The following MCF2L variants were observed in gnomAD, a reference collection of about 807,000 sequenced individuals.
MCF2L encodes the protein guanine nucleotide exchange factor DBS.
MCF2L carries 97 observed loss-of-function variants against 153.4 expected under a neutral mutation model. The observed-to-expected ratio is 0.63, with a 90% CI of 0.54 to 0.75. The LOEUF is 0.75. MCF2L is among the 30% of genes least tolerant of loss of function. MCF2L has a pLI of 0.00. For missense variants in MCF2L, 1,347 were observed against 1,495.2 expected (o/e 0.90, Z 1.64); for synonymous variants, 659 against 632.2 (o/e 1.04, Z -0.64).
intron 25 of MCF2L, 45 bp downstream of exon 25, chr13:113,088,673 C>A: frequency 6.3e-7 from 1 of 1,576,808 alleles, no homozygotes; most frequent in South Asian, 1.1e-5. Context: ...CTGGAGCAGT[C>A]CCGAGCAGGC....
rs917861797 is a variant in MCF2L at position 112,907,954 on chromosome 13, G to A, written c.169+5583G>A. 7.2e-5 allele frequency among the ~76,000 whole-genome samples: 11 copies of A among 152,208 alleles called. No individual in the cohort carries two copies. Among genetic ancestry groups the A allele is most frequent in the African/African-American group, 2.7e-4 (11 of 41,454 alleles). Reference sequence around the variant, plus strand: ...GTTGTTTGTGGAAATGGTACTTGCAGTGTGGCTGTCAATGATTAACTTCTT... The same window carrying A: ...GTTGTTTGTGGAAATGGTACTTGCAATGTGGCTGTCAATGATTAACTTCTT... On this transcript the variant is annotated intron_variant, in intron 2 of 29. Transcript: ENST00000375608. The surrounding 1 kb of genome is among the most constrained non-coding windows in gnomAD (Gnocchi z 5.1).
intron 1 of MCF2L, among the ~76,000 whole-genome samples, chr13:112,995,276 C>A (rs72661962): frequency 1.3e-5 from 2 of 152,200 alleles, no homozygotes; most frequent in Non-Finnish European, 2.9e-5. Flanking sequence ...GGCTCGCTCT[C>A]GAGCCTGTCC....
chr13:113,046,489 G>T lies in MCF2L; in HGVS notation c.369+1128G>T. 1 of 521,024 alleles carries T rather than the reference G, an allele frequency of 1.9e-6. No individual in the cohort carries two copies. Among genetic ancestry groups the T allele is most frequent in the Non-Finnish European group, 3.9e-6 (1 of 255,112 alleles). The allele number at this position is 521,024 out of a possible 1,614,324, so 32.3% of individuals were successfully genotyped here. A position where few individuals can be genotyped will look rare whatever the true frequency, so the allele number is the denominator to read the frequency against. ...GGGTCCCGCGTTCAGACTACCTTTG[G>T]GTTCCCCAGCCTCTCGGTGGCTGCT... On this transcript the variant is annotated intron_variant, in intron 4 of 29. Coordinates refer to ENST00000535094, the MANE Select transcript of MCF2L (RefSeq NM_001112732.3). This position sits in a 1 kb window ranked among gnomAD's most constrained non-coding sequence, Gnocchi z 4.4.
rs902398170 is a variant in MCF2L at position 113,035,106 on chromosome 13, G to A, written c.279-10165G>A. ...CCCCCGTGCAGACCTCACCATTCCC[G>A]ACGGGAACACTTGTGATATTCACTT... On this transcript the variant is annotated intron_variant, in intron 3 of 29. Transcript: ENST00000535094. The surrounding 1 kb of genome is among the most constrained non-coding windows in gnomAD (Gnocchi z 4.4). 1.2e-4 allele frequency among the ~76,000 whole-genome samples: 19 copies of A among 152,214 alleles called. No homozygotes were observed. The highest frequency in any genetic ancestry group is 4.6e-4 in the African/African-American group (19 of 41,454).
intron 7 of MCF2L, 65 bp from the exon 8 acceptor site, chr13:113,065,981 C>T: frequency 6.4e-7 from 1 of 1,553,094 alleles, no homozygotes; most frequent in Non-Finnish European, 8.7e-7. Context: ...CCCACGAGGC[C>T]TCACCACCAG....
chr13:113,053,389 T>C lies in MCF2L; in HGVS notation c.370-7204T>C, dbSNP rs368418713. Among the ~76,000 whole-genome samples the C allele has an allele frequency of 7.9e-4, 120 of 152,328 alleles. No individual in the cohort carries two copies. In the South Asian group the frequency reaches 0.024, roughly 30 times the overall value. On this transcript the variant is annotated intron_variant, in intron 4 of 29. Coordinates refer to ENST00000535094, the MANE Select transcript of MCF2L (RefSeq NM_001112732.3). The surrounding 1 kb of genome is among the most constrained non-coding windows in gnomAD (Gnocchi z 4.4). ...AAGCCAGTTGCTTTATGGAATATCC[T>C]TTCATCTGGTTTCCTTGTAATTAGG...
At chr13:112,977,947 G>C (rs777999332) in intron 1 of MCF2L, among the ~76,000 whole-genome samples, 28 of 152,174 alleles carry the variant, frequency 1.8e-4, no homozygotes, top group Non-Finnish European at 3.7e-4. Context: ...GGTGGCGGGG[G>C]TCTGTAATCC....
intron 1 of MCF2L, among the ~76,000 whole-genome samples, chr13:112,894,829 C>T (rs1391331870): frequency 6.6e-6 from 1 of 152,090 alleles, no homozygotes; most frequent in East Asian, 1.9e-4. Flanking sequence ...TCTGCCCACC[C>T]CTTCCTGCCA....
intron 2 of MCF2L, among the ~76,000 whole-genome samples, chr13:112,913,949 G>GC (rs986716402): frequency 1.3e-5 from 2 of 152,078 alleles, no homozygotes; most frequent in Admixed American, 1.3e-4. Context: ...GAATCCATCA[G>GC]CCCCCCAATG....
chr13:113,097,349 A>T lies in MCF2L; in HGVS notation c.*490A>T, dbSNP rs2035746192. The T allele has an allele frequency of 1.3e-5, 2 of 155,022 alleles. No individual in the cohort carries two copies. Among genetic ancestry groups the T allele is most frequent in the Admixed American group, 6.5e-5 (1 of 15,358 alleles). The allele number at this position is 155,022 out of a possible 1,614,324, so 9.6% of individuals were successfully genotyped here. A position where few individuals can be genotyped will look rare whatever the true frequency, so the allele number is the denominator to read the frequency against. Reference sequence around the variant, plus strand: ...ACTTTGGCCTCAATTCTTCACCAGGAATCACTGTGTTTACATGAAATGACA... The same window carrying T: ...ACTTTGGCCTCAATTCTTCACCAGGTATCACTGTGTTTACATGAAATGACA... On this transcript the variant is annotated 3_prime_UTR_variant, in exon 30 of 30. Coordinates refer to ENST00000535094, the MANE Select transcript of MCF2L (RefSeq NM_001112732.3).
chr13:113,092,476 C>T (rs112942081), intron 26 of MCF2L, among the ~76,000 whole-genome samples: 27 of 147,956 alleles, frequency 1.8e-4, no homozygotes, highest in African/African-American at 5.7e-4. Flanking sequence ...GCCAGTGTGG[C>T]GTCGAAGCCG....
intron 2 of MCF2L, among the ~76,000 whole-genome samples, chr13:112,949,832 G>T (rs2081674021): frequency 6.6e-6 from 1 of 152,016 alleles, no homozygotes; most frequent in South Asian, 2.1e-4. Context: ...ATAATATCAG[G>T]TACAAGGTAA....
At position 113,075,101 on chromosome 13, in the gene MCF2L, G is replaced by C; in HGVS notation, c.1220G>C (p.Arg407Pro). The stretch of plus-strand genomic sequence containing the variant: ...ATCCGCCCAAAGTGCCAGGAGCTCC[G>C]GCACCTCTGTGACCAGTTCTCTGCG... Reference protein sequence around the residue: ...DSIRPKCQELRHLCDQFSAEI... With the variant: ...DSIRPKCQELPHLCDQFSAEI... Residue 407 changes from arginine (R) to proline (P), a missense_variant, in exon 11 of 30, where the codon CGG (arginine) becomes CCG (proline). By Grantham distance (103) the Arg-to-Pro change is moderately radical. Coordinates refer to ENST00000535094, the MANE Select transcript of MCF2L (RefSeq NM_001112732.3). The C allele has an allele frequency of 1.2e-6, 2 of 1,613,638 alleles. No homozygotes were observed. The highest frequency in any genetic ancestry group is 1.7e-6 in the Non-Finnish European group (2 of 1,179,986).
chr13:112,953,105 G>T (rs2081713561), intron 2 of MCF2L, among the ~76,000 whole-genome samples: 1 of 152,206 alleles, frequency 6.6e-6, no homozygotes, highest in South Asian at 2.1e-4. Context: ...AAATGGAATG[G>T]CCTCTGTTTA....
chr13:112,968,808 G>T (rs2081945284), upstream of MCF2L: 2 of 1,335,972 alleles, frequency 1.5e-6, no homozygotes, highest in Admixed American at 7.9e-5. Flanking sequence ...AACCAGGAGG[G>T]CGTGGAGACC....
chr13:112,954,825 T>G (rs1385787924), intron 2 of MCF2L, among the ~76,000 whole-genome samples: 1 of 152,180 alleles, frequency 6.6e-6, no homozygotes, highest in Non-Finnish European at 1.5e-5. Flanking sequence ...CCTGAATATT[T>G]AGAGCTCTGT....
Position 113,074,952 on chromosome 13 carries a change from C to A in MCF2L, c.1117-46C>A. 6.6e-7 allele frequency: 1 copy of A among 1,517,404 alleles called. No individual in the cohort carries two copies. The highest frequency in any genetic ancestry group is 1.8e-5 in the Admixed American group (1 of 54,176). 94.0% of individuals were successfully genotyped at this position (1,517,404 alleles called of 1,614,324 possible). On this transcript the variant is annotated intron_variant, in intron 10 of 29. Transcript: ENST00000535094. The surrounding 1 kb of genome is among the most constrained non-coding windows in gnomAD (Gnocchi z 4.2). ...CCGTACAGCAAGGCACTGTGTGCCT[C>A]GAACAGAAAGAGGCCTGAGCTGGTC...
chr13:112,921,931 A>C (rs539308620), intron 2 of MCF2L, among the ~76,000 whole-genome samples: 2 of 152,362 alleles, frequency 1.3e-5, no homozygotes, highest in South Asian at 2.1e-4. Flanking sequence ...TACCTACATA[A>C]AAATGGTAGA....
chr13:112,960,601 G>A lies in MCF2L; in HGVS notation c.170-54162G>A, dbSNP rs1052197385. Among the ~76,000 whole-genome samples, 1 of 152,166 alleles carries A rather than the reference G, an allele frequency of 6.6e-6. No homozygotes were observed. The highest frequency in any genetic ancestry group is 2.4e-5 in the African/African-American group (1 of 41,426). On this transcript the variant is annotated intron_variant, in intron 2 of 29. Transcript: ENST00000375608. This position sits in a 1 kb window ranked among gnomAD's most constrained non-coding sequence, Gnocchi z 4.2. The stretch of plus-strand genomic sequence containing the variant: ...TCCAGGGCTGTGTCAGTTTCCTATT[G>A]CAGTTGACAGATCACTGCAAACACT...
Sources: gnomAD v4.1 joint callset for allele counts (sites outside exome capture counted in the v4.1 genomes callset) on GRCh38, gnomAD v4.1.1 for gene constraint, Gnocchi (gnomAD v3.1) non-coding constraint, MANE v1.5 for transcripts, NCBI Gene and HGNC (gene_info 2026-07-23, HGNC 2026-07-21) for gene names.